NLN: variants seen among roughly 807,000 people sequenced by gnomAD.
The protein encoded by NLN is neurolysin.
Under a neutral mutation model 79.9 loss-of-function variants are expected in NLN, and 64 were observed. The observed-to-expected ratio is 0.80, with a 90% CI of 0.65 to 0.99. NLN has a LOEUF of 0.99. Among genes scored for constraint, NLN ranks in the 50% least tolerant of loss-of-function variants. The pLI is 0.00. For missense variants in NLN, 835 were observed against 858.7 expected (o/e 0.97, Z 0.34); for synonymous variants, 267 against 296.6 (o/e 0.90, Z 1.02).
intron 9 of NLN, 59 bp downstream of exon 9, chr5:65,792,714 A>C (rs768164848): frequency 7.7e-7 from 1 of 1,304,998 alleles, no homozygotes; most frequent in African/African-American, 1.5e-5. Context: ...AAACTTCTTG[A>C]CTGCTGTCAG....
At chr5:65,731,290 G>C (rs1389493602) in intron 1 of NLN, among the ~76,000 whole-genome samples, 1 of 152,208 alleles carries the variant, frequency 6.6e-6, no homozygotes, top group Non-Finnish European at 1.5e-5. Flanking sequence ...AAGTCACAAG[G>C]CTAGCCCAGA....
chr5:65,790,081 A>T (rs139980157), intron 8 of NLN, among the ~76,000 whole-genome samples: 152 of 152,342 alleles, frequency 1.0e-3, no homozygotes, highest in African/African-American at 3.4e-3. Context: ...ATAACTATAG[A>T]TTCCATAGTG....
At chr5:65,764,926 C>T (rs1759419092) in intron 3 of NLN, among the ~76,000 whole-genome samples, 1 of 152,132 alleles carries the variant, frequency 6.6e-6, no homozygotes, top group East Asian at 1.9e-4. Flanking sequence ...TTTTAAAAAC[C>T]TAGAATTACC....
intron 1 of NLN, among the ~76,000 whole-genome samples, chr5:65,726,793 A>C (rs1303210279): frequency 6.6e-6 from 1 of 152,252 alleles, no homozygotes; most frequent in African/African-American, 2.4e-5. Context: ...TCCTTGACTT[A>C]ATCACAGAAT....
intron 12 of NLN, among the ~76,000 whole-genome samples, chr5:65,818,393 C>A (rs184407145): frequency 1.3e-5 from 2 of 152,270 alleles, no homozygotes; most frequent in Non-Finnish European, 2.9e-5. Flanking sequence ...CTCTACCCCC[C>A]CATACATACT....
chr5:65,785,649 A>G, intron 6 of NLN, 126 bp from the exon 7 acceptor site: 1 of 714,446 alleles, frequency 1.4e-6, no homozygotes, highest in Non-Finnish European at 2.1e-6. Flanking sequence ...GGAACCAGAA[A>G]TTTAAATGGT....
chr5:65,774,967 C>T (rs939199620), intron 3 of NLN, among the ~76,000 whole-genome samples: 3 of 151,984 alleles, frequency 2.0e-5, no homozygotes, highest in Non-Finnish European at 2.9e-5. Context: ...TCAAGTAATC[C>T]GTCCAATTCG....
intron 11 of NLN, among the ~76,000 whole-genome samples, chr5:65,811,272 A>G (rs754304348): frequency 1.1e-4 from 16 of 152,310 alleles, no homozygotes; most frequent in East Asian, 1.9e-4. Context: ...GGCTCCCCAC[A>G]TAGTAAGCCA....
chr5:65,748,726 C>A (rs1759038148), intron 1 of NLN, among the ~76,000 whole-genome samples: 1 of 152,112 alleles, frequency 6.6e-6, no homozygotes, highest in Non-Finnish European at 1.5e-5. Context: ...GTACTCCAGC[C>A]TGGGCAACAG....
chr5:65,755,621 T>G (rs938610304), intron 1 of NLN, among the ~76,000 whole-genome samples: 2 of 152,162 alleles, frequency 1.3e-5, no homozygotes, highest in Non-Finnish European at 2.9e-5. Context: ...AATATTTAAA[T>G]TACATGAAAA....
chr5:65,767,598 G>A (rs1170283083), intron 3 of NLN, among the ~76,000 whole-genome samples: 1 of 152,124 alleles, frequency 6.6e-6, no homozygotes, highest in Admixed American at 6.5e-5. Context: ...CTAACATTTG[G>A]CTCTTGTTAC....
intron 1 of NLN, among the ~76,000 whole-genome samples, chr5:65,728,969 G>C (rs2561208): frequency 1.3e-5 from 2 of 151,912 alleles, no homozygotes; most frequent in Non-Finnish European, 2.9e-5. Flanking sequence ...TCAGCCTCCC[G>C]AGTAGCTGGG....
At chr5:65,802,261 G>A (rs900501240) in intron 9 of NLN, among the ~76,000 whole-genome samples, 1 of 152,216 alleles carries the variant, frequency 6.6e-6, no homozygotes, top group Admixed American at 6.5e-5. Context: ...CAAGCATGGG[G>A]TCCAGCCACT....
intron 1 of NLN, among the ~76,000 whole-genome samples, chr5:65,739,888 T>C (rs1758833890): frequency 6.6e-6 from 1 of 152,238 alleles, no homozygotes; most frequent in Non-Finnish European, 1.5e-5. Flanking sequence ...TACTTGTATA[T>C]TTTGGATATT....
intron 1 of NLN, among the ~76,000 whole-genome samples, chr5:65,736,086 G>A (rs1303236273): frequency 1.3e-5 from 2 of 152,164 alleles, no homozygotes; most frequent in Admixed American, 1.3e-4. Flanking sequence ...TACCGTTGAA[G>A]TTCCTTGAGT....
chr5:65,798,872 G>A (rs779690333), intron 9 of NLN, among the ~76,000 whole-genome samples: 2 of 152,060 alleles, frequency 1.3e-5, no homozygotes, highest in Non-Finnish European at 2.9e-5. Context: ...AGAGAGGGAT[G>A]TTTAGTTTTT....
chr5:65,805,657 A>T (rs1280548203), intron 9 of NLN, among the ~76,000 whole-genome samples: 3 of 152,286 alleles, frequency 2.0e-5, no homozygotes, highest in African/African-American at 7.2e-5. Flanking sequence ...CTGTTTCCAT[A>T]ACATAAAAGT....
At chr5:65,820,346 A>G (rs939155667) in intron 12 of NLN, among the ~76,000 whole-genome samples, 9 of 152,344 alleles carry the variant, frequency 5.9e-5, no homozygotes, top group African/African-American at 2.2e-4. Flanking sequence ...TAGGTTTGTG[A>G]GAGCTCATTA....
intron 3 of NLN, among the ~76,000 whole-genome samples, chr5:65,769,931 A>G (rs79807221): frequency 3.3e-5 from 5 of 152,370 alleles, no homozygotes; most frequent in East Asian, 1.9e-4. Flanking sequence ...ATGTTCATCA[A>G]ACTAAAGTGA....
Sources: gnomAD v4.1 joint callset for allele counts (sites outside exome capture counted in the v4.1 genomes callset) on GRCh38, gnomAD v4.1.1 for gene constraint, MANE v1.5 for transcripts, NCBI Gene and HGNC (gene_info 2026-07-23, HGNC 2026-07-21) for gene names.